Variants in MAP2K2 observed in about 807,000 individuals in gnomAD.
MAP2K2 encodes the protein mitogen-activated protein kinase kinase 2, also known as dual specificity mitogen-activated protein kinase kinase 2.
MAP2K2 carries 24 observed loss-of-function variants against 43.7 expected under a neutral mutation model. The observed-to-expected ratio is 0.55, with a 90% CI of 0.40 to 0.77. MAP2K2 has a LOEUF of 0.77. Ranked by LOEUF, MAP2K2 falls within the 30% of genes least tolerant of loss-of-function variation. The pLI is 0.00. For missense variants in MAP2K2, 470 were observed against 566.8 expected (o/e 0.83, Z 1.73); for synonymous variants, 244 against 239.7 (o/e 1.02, Z -0.17).
chr19:4,094,743 G>T, intron 9 of MAP2K2: 1 of 556,066 alleles, frequency 1.8e-6, no homozygotes, highest in Middle Eastern at 4.9e-4. Flanking sequence ...GAAAGAGGGT[G>T]GGAAACCCCG....
At chr19:4,120,901 T>C (rs1441381398) in intron 1 of MAP2K2, among the ~76,000 whole-genome samples, 1 of 145,366 alleles carries the variant, frequency 6.9e-6, no homozygotes, top group East Asian at 1.9e-4. Flanking sequence ...TGTGCCCGTG[T>C]TGACTTGCAC....
intron 9 of MAP2K2, chr19:4,094,877 C>T: frequency 2.5e-6 from 1 of 402,716 alleles, no homozygotes; most frequent in Non-Finnish European, 4.6e-6. Flanking sequence ...GAGTGCGGTG[C>T]CGTTCCACGG....
At chr19:4,118,120 T>C (rs1489335768) in intron 1 of MAP2K2, among the ~76,000 whole-genome samples, 1 of 152,064 alleles carries the variant, frequency 6.6e-6, no homozygotes, top group East Asian at 1.9e-4. Context: ...GTATTTTCAG[T>C]AGAGACAGGG....
chr19:4,091,201 T>C (rs376935082), intron 10 of MAP2K2, among the ~76,000 whole-genome samples: 40 of 152,328 alleles, frequency 2.6e-4, no homozygotes, highest in African/African-American at 9.4e-4. Flanking sequence ...AAGAACGGGC[T>C]GTTCCACAGA....
Position 4,090,464 on chromosome 19 carries a change from C to T in MAP2K2, c.*134G>A, listed in dbSNP as rs1489476684. On this transcript the variant is annotated 3_prime_UTR_variant, in exon 11 of 11. Transcript: ENST00000262948. ...CCCCCGTTCCTGCATGCGCTGTCGC[C>T]CCGCCACGGTGCTCTCCGCAGGGGT... is the stretch of plus-strand genomic sequence containing the variant. The T allele has an allele frequency of 1.3e-6, 1 of 794,382 alleles. No individual in the cohort carries two copies. The highest frequency in any genetic ancestry group is 1.7e-5 in the African/African-American group (1 of 58,752). The allele number at this position is 794,382 out of a possible 1,614,324, so 49.2% of individuals were successfully genotyped here. A position where few individuals can be genotyped will look rare whatever the true frequency, so the allele number is the denominator to read the frequency against.
At chr19:4,099,594 T>G in intron 6 of MAP2K2, 180 bp from the exon 7 acceptor site, 1 of 615,110 alleles carries the variant, frequency 1.6e-6, no homozygotes, top group Admixed American at 2.8e-5. Context: ...CCTGCGGCAC[T>G]TGCTGAAGAG....
Position 4,123,920 on chromosome 19 carries a change from C to T in MAP2K2, c.-45G>A. 1 of 1,212,848 alleles carries T rather than the reference C, an allele frequency of 8.2e-7. No homozygotes were observed. The highest frequency in any genetic ancestry group is 1.1e-6 in the Non-Finnish European group (1 of 945,278). The allele number at this position is 1,212,848 out of a possible 1,614,324, so 75.1% of individuals were successfully genotyped here. The stretch of plus-strand genomic sequence containing the variant: ...GGCGGCGGCGCCTCTAGCCGGGGCC[C>T]ATAGGGGGCGGGCCGGGAGCGGTCG... On this transcript the variant is annotated 5_prime_UTR_variant, in exon 1 of 11. An upstream start codon of the reference 5' UTR is lost. Transcript: ENST00000262948.
chr19:4,123,880 G>C lies in MAP2K2; in HGVS notation c.-5C>G, dbSNP rs1019456654. 2.1e-6 allele frequency: 3 copies of C among 1,439,138 alleles called. No homozygotes were observed. The Admixed American group carries it at 7.5e-5, about 36-fold the overall frequency. The allele number at this position is 1,439,138 out of a possible 1,614,324, so 89.1% of individuals were successfully genotyped here. On this transcript the variant is annotated 5_prime_UTR_variant, in exon 1 of 11. Coordinates refer to ENST00000262948, the MANE Select transcript of MAP2K2 (RefSeq NM_030662.4). Reference sequence around the variant, plus strand: ...CGGCTTCCTCCGGGCCAGCATCGGGGCTCCGCGGGCCGGCGGCGGCGGCGC... The same window carrying C: ...CGGCTTCCTCCGGGCCAGCATCGGGCCTCCGCGGGCCGGCGGCGGCGGCGC...
Position 4,094,443 on chromosome 19 carries a change from C to T in MAP2K2, c.1092+10G>A. ...CCCTCCCGGTCCCAGAACCCGCTGG[C>T]ATCACTCACTGTGAGCATCTTCAGG... On this transcript the variant is annotated intron_variant, in intron 10 of 10. Coordinates refer to ENST00000262948, the MANE Select transcript of MAP2K2 (RefSeq NM_030662.4). 1 of 1,559,212 alleles carries T rather than the reference C, an allele frequency of 6.4e-7. No homozygotes were observed. The highest frequency in any genetic ancestry group is 8.7e-7 in the Non-Finnish European group (1 of 1,150,950).
At chr19:4,123,602 AGGGTCCCCTGCCCTGTCCT>A in intron 1 of MAP2K2, among the ~76,000 whole-genome samples, 163 bp downstream of exon 1, 2 of 26,814 alleles carry the variant, frequency 7.5e-5, no homozygotes, top group African/African-American at 4.0e-4. Flanking sequence ...TCCTCCCCCG[AGGGTCCCCTGCCCTGTCCT>A]CCCCTCGAGA....
At chr19:4,110,401 A>C in intron 3 of MAP2K2, 108 bp downstream of exon 3, 1 of 1,366,756 alleles carries the variant, frequency 7.3e-7, no homozygotes, top group Non-Finnish European at 1.0e-6. Context: ...CCTGGAAGCC[A>C]GCGCACTGTT....
At chr19:4,102,560 G>T in intron 3 of MAP2K2, 107 bp from the exon 4 acceptor site, 1 of 998,828 alleles carries the variant, frequency 1.0e-6, no homozygotes, top group Non-Finnish European at 1.5e-6. Context: ...CTGACGGGAA[G>T]CAGGGGCCGG....
intron 10 of MAP2K2, among the ~76,000 whole-genome samples, chr19:4,093,186 C>A (rs976019806): frequency 6.6e-6 from 1 of 152,028 alleles, no homozygotes; most frequent in African/African-American, 2.4e-5. Context: ...CCACTGCACT[C>A]CAACCTGGGT....
chr19:4,113,535 C>A (rs192161557), intron 2 of MAP2K2, among the ~76,000 whole-genome samples: 2 of 152,100 alleles, frequency 1.3e-5, no homozygotes, highest in Non-Finnish European at 2.9e-5. Flanking sequence ...AGCTCAGGTT[C>A]GGAGCCTCGG....
chr19:4,107,536 A>AC (rs986669031), intron 3 of MAP2K2, among the ~76,000 whole-genome samples: 6 of 150,814 alleles, frequency 4.0e-5, no homozygotes, highest in African/African-American at 1.2e-4. Flanking sequence ...AAAAAAAAAA[A>AC]AAAAAAAAAA....
intron 3 of MAP2K2, chr19:4,103,107 G>C (rs2041038672): frequency 1.9e-5 from 19 of 1,011,762 alleles, no homozygotes; most frequent in Non-Finnish European, 2.2e-5. Context: ...GGGGGTGCAT[G>C]GACTGCAGGA....
chr19:4,113,722 A>T (rs1285691725), intron 2 of MAP2K2, among the ~76,000 whole-genome samples: 1 of 152,154 alleles, frequency 6.6e-6, no homozygotes, highest in African/African-American at 2.4e-5. Flanking sequence ...TCGGAGGTGG[A>T]GACGGTTGCT....
At chr19:4,108,826 G>C (rs557461321) in intron 3 of MAP2K2, among the ~76,000 whole-genome samples, 9 of 152,210 alleles carry the variant, frequency 5.9e-5, no homozygotes, top group Non-Finnish European at 1.2e-4. Context: ...GGCGCGAGGA[G>C]GAGGGGGAAG....
At chr19:4,119,372 C>T (rs1247144109) in intron 1 of MAP2K2, among the ~76,000 whole-genome samples, 1 of 152,132 alleles carries the variant, frequency 6.6e-6, no homozygotes, top group African/African-American at 2.4e-5. Flanking sequence ...CAAGCACCCG[C>T]CACCACGCCC....
Sources: allele counts gnomAD v4.1 joint callset (sites outside exome capture counted in the v4.1 genomes callset), GRCh38; gene constraint gnomAD v4.1.1; transcripts MANE v1.5; gene names NCBI Gene and HGNC (gene_info 2026-07-23, HGNC 2026-07-21).